TNRC6B: variants seen among roughly 807,000 people sequenced by gnomAD.
TNRC6B encodes trinucleotide repeat containing adaptor 6B.
A neutral mutation model predicts 203.6 loss-of-function variants in TNRC6B; 52 were observed. The observed-to-expected ratio is 0.26, with a 90% CI of 0.20 to 0.32. The LOEUF (loss-of-function observed/expected upper bound fraction) is 0.32. TNRC6B is among the 10% of genes least tolerant of loss of function. The probability of loss-of-function intolerance (pLI) is 1.00; values close to 1 mark genes in which losing one functional copy is unlikely to be tolerated. For synonymous variants in TNRC6B, 838 were observed against 845.7 expected, an observed-to-expected ratio of 0.99 and a Z score of 0.16; for missense variants, 1,923 against 2,286.2, an observed-to-expected ratio of 0.84 and a Z score of 3.24.
At chr22:40,082,655 C>T (rs1243037648) in intron 1 of TNRC6B, among the ~76,000 whole-genome samples, 1 of 152,120 alleles carries the variant, frequency 6.6e-6, no homozygotes, top group Non-Finnish European at 1.5e-5. Context: ...AGGCTGGGAA[C>T]AGAGAGACCA....
chr22:40,245,545 A>G (rs1479818958), intron 1 of TNRC6B, among the ~76,000 whole-genome samples: 1 of 152,158 alleles, frequency 6.6e-6, no homozygotes. Flanking sequence ...ATAGAGCTTT[A>G]TGTTCACCAC....
At chr22:40,169,549 C>A (rs893134262) in intron 4 of TNRC6B, among the ~76,000 whole-genome samples, 1 of 152,178 alleles carries the variant, frequency 6.6e-6, no homozygotes, top group African/African-American at 2.4e-5. Flanking sequence ...AAATATACTG[C>A]GTACTTACAT....
chr22:40,206,816 A>G (rs1424210253), intron 1 of TNRC6B, among the ~76,000 whole-genome samples: 2 of 152,120 alleles, frequency 1.3e-5, no homozygotes, highest in African/African-American at 2.4e-5. Flanking sequence ...GACAGGTGAC[A>G]CTGCAGTTTA....
chr22:40,076,411 A>C (rs1448496921), intron 1 of TNRC6B, among the ~76,000 whole-genome samples: 1 of 152,160 alleles, frequency 6.6e-6, no homozygotes, highest in Non-Finnish European at 1.5e-5. Flanking sequence ...ACCTGGTGGC[A>C]ATTAGTTGTC....
rs938464447 is a variant in TNRC6B at position 40,324,521 on chromosome 22, A to G, written c.*1280A>G. Reference sequence around the variant, plus strand: ...TTTCTGTTGGTTGGTTCTCTTTTTCATTTTATGAAAACAGAAAAGAATAAG... The same window carrying G: ...TTTCTGTTGGTTGGTTCTCTTTTTCGTTTTATGAAAACAGAAAAGAATAAG... On this transcript the variant is annotated 3_prime_UTR_variant, in exon 23 of 23. Coordinates refer to ENST00000454349, the MANE Select transcript of TNRC6B (RefSeq NM_001162501.2). The G allele has an allele frequency of 6.6e-6, 1 of 152,564 alleles. No homozygotes were observed. The highest frequency in any genetic ancestry group is 6.5e-5 in the Admixed American group (1 of 15,272). The allele number at this position is 152,564 out of a possible 1,614,324, so 9.5% of individuals were successfully genotyped here. A position where few individuals can be genotyped will look rare whatever the true frequency, so the allele number is the denominator to read the frequency against.
intron 3 of TNRC6B, among the ~76,000 whole-genome samples, chr22:40,154,978 G>A (rs4820403): frequency 0.68 from 94,782 of 139,592 alleles, 33,634 homozygotes; most frequent in African/African-American, 0.9. Context: ...TACTACATAT[G>A]CATTCTTTTG....
chr22:40,301,389 G>A (rs750147770), intron 15 of TNRC6B, 56 bp downstream of exon 15: 336 of 1,550,430 alleles, frequency 2.2e-4, no homozygotes, highest in Non-Finnish European at 2.8e-4. Context: ...CTAGGCCTGT[G>A]GTAGGGGTTG....
At chr22:40,069,735 C>T (rs1349764800) in intron 1 of TNRC6B, among the ~76,000 whole-genome samples, 2 of 152,000 alleles carry the variant, frequency 1.3e-5, no homozygotes, top group South Asian at 2.1e-4. Context: ...GATCCACCCA[C>T]CTCGGCCTCC....
intron 3 of TNRC6B, among the ~76,000 whole-genome samples, chr22:40,130,909 T>C (rs1601830541): frequency 6.7e-6 from 1 of 150,108 alleles, no homozygotes; most frequent in African/African-American, 2.5e-5. Flanking sequence ...GGTATAGAAG[T>C]CTTTTTTTTT....
chr22:40,125,818 A>G (rs765988851), exon 3 of TNRC6B: 1 of 1,612,096 alleles, frequency 6.2e-7, no homozygotes, highest in Non-Finnish European at 8.5e-7. Context: ...ATCTGTTCCC[A>G]TGCAAACCAA....
intron 2 of TNRC6B, among the ~76,000 whole-genome samples, chr22:40,122,148 G>C (rs1368095287): frequency 1.3e-5 from 2 of 152,148 alleles, no homozygotes; most frequent in Non-Finnish European, 2.9e-5. Context: ...TCCTTCCCTT[G>C]ACTGGGCTCT....
intron 1 of TNRC6B, among the ~76,000 whole-genome samples, chr22:40,102,808 G>A (rs919831074): frequency 1.6e-4 from 25 of 152,192 alleles, no homozygotes; most frequent in South Asian, 1.0e-3. Flanking sequence ...ACTGCGCGTG[G>A]TGGCTCACAC....
intron 1 of TNRC6B, among the ~76,000 whole-genome samples, chr22:40,217,025 T>C (rs913904206): frequency 1.3e-5 from 2 of 152,166 alleles, no homozygotes; most frequent in Non-Finnish European, 2.9e-5. Flanking sequence ...GCCCCTTCTG[T>C]CTGACCAATG....
intron 4 of TNRC6B, among the ~76,000 whole-genome samples, chr22:40,168,156 A>T (rs1354001047): frequency 6.6e-6 from 1 of 152,184 alleles, no homozygotes; most frequent in Non-Finnish European, 1.5e-5. Context: ...CATATGTCTT[A>T]TCTCTGAACT....
At chr22:40,203,078 T>C (rs920436985) in intron 1 of TNRC6B, among the ~76,000 whole-genome samples, 5 of 152,132 alleles carry the variant, frequency 3.3e-5, no homozygotes, top group Non-Finnish European at 4.4e-5. Context: ...TTTCAAAAAA[T>C]GCTGGCCACT....
At position 40,326,766 on chromosome 22, in the gene TNRC6B, AAATTTTAAATAT is replaced by A. The variant is rs1195765509; in HGVS notation, c.*3527_*3538del. The A allele has an allele frequency of 6.5e-6, 1 of 152,776 alleles. No individual in the cohort carries two copies. Among genetic ancestry groups the A allele is most frequent in the African/African-American group, 2.4e-5 (1 of 41,578 alleles). 9.5% of individuals were successfully genotyped at this position (152,776 alleles called of 1,614,324 possible). A position where few individuals can be genotyped will look rare whatever the true frequency, so the allele number is the denominator to read the frequency against. On this transcript the variant is annotated 3_prime_UTR_variant, in exon 23 of 23. Transcript: ENST00000454349. ...AATATAGGTTAATAATTTTTGGAACAAATTTTAAATATAGGCATTACTAGAGGAAAATTATCT... is the reference window on the plus strand; with the variant it reads ...AATATAGGTTAATAATTTTTGGAACAAGGCATTACTAGAGGAAAATTATCT...
intron 3 of TNRC6B, among the ~76,000 whole-genome samples, chr22:40,153,785 A>C (rs549605909): frequency 6.6e-6 from 1 of 151,632 alleles, no homozygotes; most frequent in African/African-American, 2.4e-5. Flanking sequence ...GGTGGAAAGT[A>C]CTGTTTTTGT....
intron 1 of TNRC6B, among the ~76,000 whole-genome samples, chr22:40,188,564 C>T (rs2069234657): frequency 6.6e-6 from 1 of 152,090 alleles, no homozygotes; most frequent in Admixed American, 6.5e-5. Flanking sequence ...CGCGTGTGCT[C>T]CCCTCCAGGA....
intron 3 of TNRC6B, among the ~76,000 whole-genome samples, chr22:40,259,902 TTGA>T (rs914817571): frequency 9.6e-4 from 146 of 152,318 alleles, no homozygotes; most frequent in African/African-American, 3.4e-3. Context: ...ACTGTCAGGC[TTGA>T]TGATTATTTC....
Sources: gnomAD v4.1 joint callset for allele counts (sites outside exome capture counted in the v4.1 genomes callset) on GRCh38, gnomAD v4.1.1 for gene constraint, MANE v1.5 for transcripts, NCBI Gene and HGNC (gene_info 2026-07-23, HGNC 2026-07-21) for gene names.